Variants in GAS2 observed in about 807,000 individuals in gnomAD.
GAS2 encodes growth arrest specific 2, also known as growth arrest-specific protein 2.
GAS2 carries 20 observed loss-of-function variants against 37.5 expected under a neutral mutation model. The observed-to-expected ratio is 0.53, with a 90% CI of 0.37 to 0.77. GAS2 has a LOEUF of 0.77. Ranked by LOEUF, GAS2 falls within the 30% of genes least tolerant of loss-of-function variation. The pLI is 0.00. For synonymous variants in GAS2, 144 were observed against 132.2 expected, an observed-to-expected ratio of 1.09 and a Z score of -0.61; for missense variants, 336 against 373.4, an observed-to-expected ratio of 0.90 and a Z score of 0.82.
In GAS2 at chr11:22,811,883, G is replaced by A. The variant is rs762930951; in HGVS notation, c.809G>A (p.Arg270Gln). ...TATTTGTTGAAACACGACCCCTGCC[G>A]AATGCTGCAGATCTCCCGTGTGGAT... ...AGYLLKHDPCRMLQISRVDGK... is the reference protein window; with the variant it reads ...AGYLLKHDPCQMLQISRVDGK... Residue 270 changes from arginine to glutamine, a missense_variant, in exon 8 of 8, where the codon CGA becomes CAA. By Grantham distance (43) the Arg-to-Gln change is conservative. Coordinates refer to ENST00000454584, the MANE Select transcript of GAS2 (RefSeq NM_001143830.3). 7 of 1,614,126 alleles carry A rather than the reference G, an allele frequency of 4.3e-6. No homozygotes were observed. The highest frequency in any genetic ancestry group is 2.2e-5 in the East Asian group (1 of 44,882).
At chr11:22,691,134 G>T (rs544896913) in intron 3 of GAS2, among the ~76,000 whole-genome samples, 1 of 152,222 alleles carries the variant, frequency 6.6e-6, no homozygotes, top group South Asian at 2.1e-4. Context: ...GGGAAAAGAA[G>T]TTCTGTTACC....
At chr11:22,674,798 T>A in intron 1 of GAS2, 52 bp from the exon 2 acceptor site, 1 of 1,386,436 alleles carries the variant, frequency 7.2e-7, no homozygotes, top group Non-Finnish European at 9.8e-7. Flanking sequence ...ATGACAACAT[T>A]TTGTGAGAGA....
intron 7 of GAS2, among the ~76,000 whole-genome samples, chr11:22,784,416 A>G (rs1855727786): frequency 6.6e-6 from 1 of 152,184 alleles, no homozygotes; most frequent in Non-Finnish European, 1.5e-5. Flanking sequence ...GATAGTTCAT[A>G]TTCCTTACCA....
chr11:22,772,557 AT>A (rs1590113737), intron 7 of GAS2, among the ~76,000 whole-genome samples: 1 of 152,206 alleles, frequency 6.6e-6, no homozygotes, highest in Non-Finnish European at 1.5e-5. Flanking sequence ...TTTTTTAAAA[AT>A]CGCTGAAGTT....
At chr11:22,683,818 T>C (rs552024324) in intron 2 of GAS2, among the ~76,000 whole-genome samples, 22 of 152,316 alleles carry the variant, frequency 1.4e-4, no homozygotes, top group Non-Finnish European at 2.5e-4. Context: ...ACATTATGCT[T>C]ACCTCTGTAG....
intron 1 of GAS2, among the ~76,000 whole-genome samples, chr11:22,632,927 A>G (rs1858763953): frequency 6.6e-6 from 1 of 151,870 alleles, no homozygotes; most frequent in Non-Finnish European, 1.5e-5. Context: ...TCTTTAAAAT[A>G]TCAATCTGTT....
chr11:22,647,552 G>T (rs1207652095), intron 1 of GAS2, among the ~76,000 whole-genome samples: 2 of 152,172 alleles, frequency 1.3e-5, no homozygotes, highest in Non-Finnish European at 2.9e-5. Flanking sequence ...GTGTAAAAGT[G>T]TTCCTATTTC....
chr11:22,747,369 A>C (rs964586946), intron 5 of GAS2, among the ~76,000 whole-genome samples: 1 of 152,142 alleles, frequency 6.6e-6, no homozygotes, highest in Non-Finnish European at 1.5e-5. Flanking sequence ...ACCTATGTAC[A>C]ACAGATTAGA....
chr11:22,768,636 TTTG>T (rs1854819950), intron 7 of GAS2, among the ~76,000 whole-genome samples: 2 of 152,306 alleles, frequency 1.3e-5, no homozygotes, highest in South Asian at 2.1e-4. Context: ...TTTCTGACCT[TTTG>T]TTGTTGTTGC....
At chr11:22,794,264 T>C (rs1159243737) in intron 7 of GAS2, among the ~76,000 whole-genome samples, 2 of 152,158 alleles carry the variant, frequency 1.3e-5, no homozygotes, top group East Asian at 3.9e-4. Flanking sequence ...AAAATGGTGC[T>C]GTAAGACTTA....
At chr11:22,706,392 G>A (rs1379510691) in intron 3 of GAS2, among the ~76,000 whole-genome samples, 1 of 151,818 alleles carries the variant, frequency 6.6e-6, no homozygotes, top group Non-Finnish European at 1.5e-5. Context: ...GTGCAGGTTA[G>A]TTACATATGT....
intron 4 of GAS2, among the ~76,000 whole-genome samples, chr11:22,737,464 C>T (rs777510325): frequency 4.6e-5 from 7 of 151,906 alleles, no homozygotes; most frequent in Non-Finnish European, 8.8e-5. Context: ...CTGAGATTTC[C>T]GGGGTGAGAG....
chr11:22,726,688 C>G (rs770194599), intron 4 of GAS2, among the ~76,000 whole-genome samples: 22 of 151,964 alleles, frequency 1.4e-4, no homozygotes, highest in Admixed American at 7.9e-4. Flanking sequence ...TCTTTCCAAG[C>G]TAAATATAAG....
intron 1 of GAS2, among the ~76,000 whole-genome samples, chr11:22,645,700 T>A (rs943523972): frequency 3.1e-4 from 47 of 151,956 alleles, no homozygotes; most frequent in African/African-American, 1.1e-3. Context: ...AATGTCAAAT[T>A]TTATAGTGAA....
chr11:22,722,065 G>A (rs1359662763), intron 3 of GAS2, among the ~76,000 whole-genome samples: 3 of 151,924 alleles, frequency 2.0e-5, no homozygotes, highest in African/African-American at 7.2e-5. Context: ...CCTAATCATA[G>A]CATGAAGGGA....
At chr11:22,762,453 C>G (rs527719562) in intron 7 of GAS2, among the ~76,000 whole-genome samples, 1 of 152,172 alleles carries the variant, frequency 6.6e-6, no homozygotes, top group Non-Finnish European at 1.5e-5. Flanking sequence ...AAGTAAAAGT[C>G]AAAGCCGTGA....
chr11:22,766,805 A>G (rs1854720923), intron 7 of GAS2, among the ~76,000 whole-genome samples: 1 of 152,160 alleles, frequency 6.6e-6, no homozygotes, highest in African/African-American at 2.4e-5. Flanking sequence ...TACAATTATA[A>G]ACTTATATTT....
chr11:22,706,059 G>C (rs565895791), intron 3 of GAS2, among the ~76,000 whole-genome samples: 2 of 152,296 alleles, frequency 1.3e-5, no homozygotes, highest in East Asian at 1.9e-4. Context: ...TAACTCAAGA[G>C]AATCAAGAGA....
At position 22,812,830 on chromosome 11, in the gene GAS2, A is replaced by C. The variant is rs4923030; in HGVS notation, c.*814A>C. The stretch of plus-strand genomic sequence containing the variant: ...ATTTTCTTATTAAAAATATATCTTT[A>C]GTTAATCCTATTTTGCTATGCTTTC... On this transcript the variant is annotated 3_prime_UTR_variant, in exon 8 of 8. Coordinates refer to ENST00000454584, the MANE Select transcript of GAS2 (RefSeq NM_001143830.3). 816 of 152,682 alleles carry C rather than the reference A, an allele frequency of 5.3e-3. 12 individuals carry two copies. Among genetic ancestry groups the C allele is most frequent in the East Asian group, 0.038 (199 of 5,190 alleles). 9.5% of individuals were successfully genotyped at this position (152,682 alleles called of 1,614,324 possible).
Sources: allele counts gnomAD v4.1 joint callset (sites outside exome capture counted in the v4.1 genomes callset), GRCh38; gene constraint gnomAD v4.1.1; transcripts MANE v1.5; gene names NCBI Gene and HGNC (gene_info 2026-07-23, HGNC 2026-07-21).